The following HEMK2 variants were observed in gnomAD, a reference collection of about 807,000 sequenced individuals.
The protein encoded by HEMK2 is methyltransferase HEMK2.
At chr21:28,609,949 G>A in the HEMK2 span, among the ~76,000 whole-genome samples, 2 of 152,194 alleles carry the variant, frequency 1.3e-5, no homozygotes, top group Non-Finnish European at 2.9e-5. Flanking sequence ...GTTCCTGAGG[G>A]AGAAGAGAAA....
At chr21:28,752,014 A>G in the HEMK2 span, among the ~76,000 whole-genome samples, 3 of 152,360 alleles carry the variant, frequency 2.0e-5, no homozygotes, top group Non-Finnish European at 1.5e-5. Flanking sequence ...AGAAATTGGG[A>G]AAGAATAAAT....
the HEMK2 span, among the ~76,000 whole-genome samples, chr21:28,659,787 C>T: frequency 6.6e-6 from 1 of 152,094 alleles, no homozygotes; most frequent in South Asian, 2.1e-4. Context: ...TTCAGTATTG[C>T]CTGGGCTATC....
chr21:28,735,299 T>A, the HEMK2 span, among the ~76,000 whole-genome samples: 6 of 152,156 alleles, frequency 3.9e-5, no homozygotes, highest in Admixed American at 3.9e-4. Context: ...AATTGTGGTG[T>A]CACCTGGGCT....
At chr21:28,656,958 T>G in the HEMK2 span, among the ~76,000 whole-genome samples, 8 of 152,208 alleles carry the variant, frequency 5.3e-5, no homozygotes, top group Middle Eastern at 3.4e-3. Flanking sequence ...CAATAATATT[T>G]GTGACAATTC....
At chr21:28,885,330 A>C in the HEMK2 span, 1 of 1,580,878 alleles carries the variant, frequency 6.3e-7, no homozygotes, top group Non-Finnish European at 8.7e-7. Context: ...GGCGTAGCGA[A>C]GTTCTCCCCT....
the HEMK2 span, among the ~76,000 whole-genome samples, chr21:28,827,507 T>C: frequency 6.6e-6 from 1 of 152,226 alleles, no homozygotes; most frequent in African/African-American, 2.4e-5. Context: ...CTGAGTGTTT[T>C]GCACACATTA....
chr21:28,824,453 C>A, the HEMK2 span, among the ~76,000 whole-genome samples: 1 of 152,168 alleles, frequency 6.6e-6, no homozygotes, highest in African/African-American at 2.4e-5. Flanking sequence ...ATTTATATAG[C>A]ACCCATGCAA....
the HEMK2 span, among the ~76,000 whole-genome samples, chr21:28,766,736 A>T: frequency 6.6e-6 from 1 of 152,152 alleles, no homozygotes; most frequent in Non-Finnish European, 1.5e-5. Context: ...CACTATCTTA[A>T]GTAACTCAGA....
the HEMK2 span, among the ~76,000 whole-genome samples, chr21:28,881,219 T>G: frequency 6.6e-6 from 1 of 152,356 alleles, no homozygotes; most frequent in Non-Finnish European, 1.5e-5. Flanking sequence ...TGATTTAATT[T>G]CCTTGACTTT....
At chr21:28,847,629 T>C in the HEMK2 span, among the ~76,000 whole-genome samples, 29 of 152,336 alleles carry the variant, frequency 1.9e-4, no homozygotes, top group East Asian at 5.2e-3. Context: ...TTTAATTATG[T>C]CCCATTTATC....
chr21:28,832,463 C>CT, the HEMK2 span, among the ~76,000 whole-genome samples: 10 of 152,162 alleles, frequency 6.6e-5, no homozygotes, highest in Admixed American at 5.9e-4. Context: ...TGTTGAAATA[C>CT]TTTAACTCTT....
At chr21:28,679,695 A>C in the HEMK2 span, among the ~76,000 whole-genome samples, 5 of 152,308 alleles carry the variant, frequency 3.3e-5, no homozygotes, top group Admixed American at 3.3e-4. Flanking sequence ...ATTATAACAA[A>C]CTGTCTCTCA....
the HEMK2 span, among the ~76,000 whole-genome samples, chr21:28,688,108 A>C: frequency 2.6e-5 from 4 of 152,340 alleles, 1 homozygote; most frequent in Admixed American, 2.6e-4. Context: ...GATGATCACC[A>C]GCTGATTTTT....
the HEMK2 span, among the ~76,000 whole-genome samples, chr21:28,797,632 G>C: frequency 6.6e-6 from 1 of 151,402 alleles, no homozygotes; most frequent in Non-Finnish European, 1.5e-5. Context: ...AAGAAAATGA[G>C]AAACCTAGAG....
At chr21:28,601,334 C>T in the HEMK2 span, among the ~76,000 whole-genome samples, 1 of 152,218 alleles carries the variant, frequency 6.6e-6, no homozygotes, top group Non-Finnish European at 1.5e-5. Context: ...CCCCTCACCC[C>T]CTGTTCCCCA....
chr21:28,875,306 C>T, the HEMK2 span: 26,200 of 152,174 alleles, frequency 0.17, 2,353 homozygotes, highest in South Asian at 0.23. Flanking sequence ...TCAGGTTGCA[C>T]GGTAACTTGG....
chr21:28,620,410 G>C, the HEMK2 span, among the ~76,000 whole-genome samples: 3 of 152,078 alleles, frequency 2.0e-5, no homozygotes, highest in Middle Eastern at 3.4e-3. Flanking sequence ...GCTTTTTTTG[G>C]TTGGTAGGCT....
the HEMK2 span, among the ~76,000 whole-genome samples, chr21:28,716,451 T>C: frequency 5.3e-5 from 8 of 152,186 alleles, no homozygotes; most frequent in African/African-American, 1.9e-4. Context: ...TATTGATGCA[T>C]AGAAATGCTA....
chr21:28,653,691 G>C, the HEMK2 span, among the ~76,000 whole-genome samples: 1 of 152,118 alleles, frequency 6.6e-6, no homozygotes, highest in Non-Finnish European at 1.5e-5. Flanking sequence ...ATAAATGAAA[G>C]CATTGCTGCT....
Sources: allele counts gnomAD v4.1 joint callset (sites outside exome capture counted in the v4.1 genomes callset), GRCh38; gene constraint gnomAD v4.1.1; transcripts MANE v1.5; gene names NCBI Gene and HGNC (gene_info 2026-07-23, HGNC 2026-07-21).